Variants in INSR observed in about 807,000 individuals in gnomAD.
INSR encodes IR.
INSR carries 67 observed loss-of-function variants against 142.6 expected under a neutral mutation model. That is an observed-to-expected ratio of 0.47 (90% CI 0.39 to 0.58). INSR has a LOEUF of 0.58. Ranked by LOEUF, INSR falls within the 20% of genes least tolerant of loss-of-function variation. INSR has a pLI of 0.00. For synonymous variants in INSR, 756 were observed against 743.1 expected, an observed-to-expected ratio of 1.02 and a Z score of -0.28; for missense variants, 1,248 against 1,833.2, an observed-to-expected ratio of 0.68 and a Z score of 5.83.
chr19:7,135,087 T>C (rs1192963933), intron 13 of INSR, among the ~76,000 whole-genome samples: 6 of 56,984 alleles, frequency 1.1e-4, no homozygotes, highest in African/African-American at 2.3e-4. Flanking sequence ...GAGAAAGAAA[T>C]GTTAAAAAAA....
chr19:7,213,536 T>C (rs1235566180), intron 2 of INSR, among the ~76,000 whole-genome samples: 3 of 152,190 alleles, frequency 2.0e-5, no homozygotes, highest in African/African-American at 7.2e-5. Context: ...GGATAATTTA[T>C]GCAACAAAGG....
At chr19:7,173,768 C>G (rs540869516) in intron 4 of INSR, among the ~76,000 whole-genome samples, 1 of 151,764 alleles carries the variant, frequency 6.6e-6, no homozygotes, top group Admixed American at 6.6e-5. Flanking sequence ...TACAGGCACG[C>G]ACCACCAAGC....
At chr19:7,252,651 A>G (rs1976763039) in intron 2 of INSR, among the ~76,000 whole-genome samples, 3 of 152,090 alleles carry the variant, frequency 2.0e-5, no homozygotes, top group Non-Finnish European at 2.9e-5. Flanking sequence ...TCCTTATCAG[A>G]CCTCCGAGTA....
intron 9 of INSR, among the ~76,000 whole-genome samples, chr19:7,162,389 G>A (rs1973776295): frequency 6.6e-6 from 1 of 150,608 alleles, no homozygotes; most frequent in South Asian, 2.1e-4. Flanking sequence ...GACAATTGTG[G>A]TGTTCCAGCA....
At chr19:7,205,174 G>A (rs575717748) in intron 2 of INSR, among the ~76,000 whole-genome samples, 2 of 152,172 alleles carry the variant, frequency 1.3e-5, no homozygotes, top group African/African-American at 4.8e-5. Flanking sequence ...CCTACGGAGT[G>A]TCCGGCACCA....
chr19:7,233,692 T>TTTC lies in INSR; in HGVS notation c.652+33652_652+33653insGAA, dbSNP rs1227654126. On this transcript the variant is annotated intron_variant, in intron 2 of 21. Transcript: ENST00000302850. ...TCTTTTTTTTTTTTTTTTTTTTTTTTTGAGACGCAGTCTCGCTGTGTTGCC... is the reference window on the plus strand; with the variant it reads ...TCTTTTTTTTTTTTTTTTTTTTTTTTTTCTGAGACGCAGTCTCGCTGTGTTGCC... Among the ~76,000 whole-genome samples, 9 of 118,142 alleles carry TTTC rather than the reference T, an allele frequency of 7.6e-5. 1 individual carries two copies. Among genetic ancestry groups the TTTC allele is most frequent in the Non-Finnish European group, 1.2e-4 (7 of 60,136 alleles). The allele number at this position is 118,142 out of a possible 152,430, so 77.5% of individuals were successfully genotyped here.
Position 7,150,387 on chromosome 19 carries a change from C to T in INSR, c.2267+110G>A. 1 of 918,058 alleles carries T rather than the reference C, an allele frequency of 1.1e-6. No individual in the cohort carries two copies. Among genetic ancestry groups the T allele is most frequent in the Non-Finnish European group, 1.8e-6 (1 of 568,530 alleles). 56.9% of individuals were successfully genotyped at this position (918,058 alleles called of 1,614,324 possible). A position where few individuals can be genotyped will look rare whatever the true frequency, so the allele number is the denominator to read the frequency against. On this transcript the variant is annotated intron_variant, in intron 11 of 21. Transcript: ENST00000302850. The surrounding 1 kb of genome is among the most constrained non-coding windows in gnomAD (Gnocchi z 4.2). ...AGCATCTGCTCTCCAGCACAGCTGC[C>T]CGCCGCATGCAAAAAGCCACAGAAA...
Position 7,190,420 on chromosome 19 carries a change from T to G in INSR, c.653-5783A>C, listed in dbSNP as rs1015193252. 6.9e-5 allele frequency among the ~76,000 whole-genome samples: 10 copies of G among 145,520 alleles called. No individual in the cohort carries two copies. The East Asian group carries it at 2.1e-3, about 31-fold the overall frequency. The stretch of plus-strand genomic sequence containing the variant: ...CAGAGTCTCACTCTGTTGTCCAGGC[T>G]GAAGTGCAATGGTGAGAACTCAGCT... On this transcript the variant is annotated intron_variant, in intron 2 of 21. Transcript: ENST00000302850.
At chr19:7,164,531 A>G (rs1973842683) in intron 8 of INSR, among the ~76,000 whole-genome samples, 1 of 151,780 alleles carries the variant, frequency 6.6e-6, no homozygotes, top group Non-Finnish European at 1.5e-5. Flanking sequence ...TAAAAATACA[A>G]AAATGGCTGG....
chr19:7,141,704 T>C lies in INSR; in HGVS notation c.2655A>G (p.Glu885=). ...KEPNGLIVLY[E]VSYRRYGDEE... ...CATCACCATATCGCCGATAACTCACTTCATACAGCACGATCAGACCATTGG... is the reference window on the plus strand; with the variant it reads ...CATCACCATATCGCCGATAACTCACCTCATACAGCACGATCAGACCATTGG... Residue 885 remains glutamate, a synonymous_variant, in exon 13 of 22, where the codon GAA becomes GAG. Coordinates refer to ENST00000302850, the MANE Select transcript of INSR (RefSeq NM_000208.4). 1 of 1,614,172 alleles carries C rather than the reference T, an allele frequency of 6.2e-7. No individual in the cohort carries two copies. The highest frequency in any genetic ancestry group is 8.5e-7 in the Non-Finnish European group (1 of 1,180,016).
intron 1 of INSR, among the ~76,000 whole-genome samples, chr19:7,280,251 G>C (rs1042540414): frequency 2.0e-5 from 3 of 151,320 alleles, no homozygotes; most frequent in East Asian, 2.0e-4. Flanking sequence ...GCAACAGAGC[G>C]AGACTCCGTC....
intron 1 of INSR, among the ~76,000 whole-genome samples, chr19:7,289,171 C>G (rs1410400919): frequency 6.6e-6 from 1 of 151,820 alleles, no homozygotes; most frequent in African/African-American, 2.4e-5. Context: ...GGAGACGCAA[C>G]TGGGAGATGA....
intron 3 of INSR, among the ~76,000 whole-genome samples, chr19:7,179,820 T>C (rs576684707): frequency 5.3e-5 from 8 of 152,368 alleles, no homozygotes; most frequent in African/African-American, 1.9e-4. Context: ...TGGGAAATTA[T>C]AAATGACCAT....
At chr19:7,221,063 A>T (rs111536604) in intron 2 of INSR, among the ~76,000 whole-genome samples, 1 of 152,154 alleles carries the variant, frequency 6.6e-6, no homozygotes, top group Non-Finnish European at 1.5e-5. Context: ...GACTCTGCAG[A>T]GTCCCCACCG....
rs892231610 is a variant in INSR, at chr19:7,225,668, C to T, written c.653-41031G>A. Among the ~76,000 whole-genome samples the T allele has an allele frequency of 4.6e-5, 7 of 151,258 alleles. No individual in the cohort carries two copies. Among genetic ancestry groups the T allele is most frequent in the African/African-American group, 1.5e-4 (6 of 41,062 alleles). On this transcript the variant is annotated intron_variant, in intron 2 of 21. Coordinates refer to ENST00000302850, the MANE Select transcript of INSR (RefSeq NM_000208.4). The surrounding 1 kb of genome is among the most constrained non-coding windows in gnomAD (Gnocchi z 4.7). The stretch of plus-strand genomic sequence containing the variant: ...ATGGCAGTGTCAAACCACAGAGCCA[C>T]GAGGCTGATGATGGGCTCTTGGTTT...
intron 2 of INSR, among the ~76,000 whole-genome samples, chr19:7,219,487 A>AG (rs1975535228): frequency 1.7e-5 from 2 of 118,158 alleles, no homozygotes; most frequent in Admixed American, 9.1e-5. Context: ...GAGGGAGGGA[A>AG]GGAAGGAAGG....
At chr19:7,274,657 G>C (rs1009118510) in intron 1 of INSR, among the ~76,000 whole-genome samples, 10 of 151,650 alleles carry the variant, frequency 6.6e-5, no homozygotes, top group Non-Finnish European at 1.2e-4. Flanking sequence ...AAAAAAAATA[G>C]CTGGGCATGG....
intron 11 of INSR, among the ~76,000 whole-genome samples, chr19:7,146,254 T>C (rs1157251220): frequency 1.3e-5 from 2 of 149,810 alleles, no homozygotes; most frequent in Non-Finnish European, 3.0e-5. Context: ...TTTTTTTTTT[T>C]TTTTGAGACA....
chr19:7,242,549 C>T (rs1280390842), intron 2 of INSR, among the ~76,000 whole-genome samples: 4 of 151,670 alleles, frequency 2.6e-5, no homozygotes, highest in Non-Finnish European at 5.9e-5. Flanking sequence ...ACCAGCCTGG[C>T]CAACATGGTG....
Sources: allele counts gnomAD v4.1 joint callset (sites outside exome capture counted in the v4.1 genomes callset), GRCh38; gene constraint gnomAD v4.1.1; non-coding constraint Gnocchi (gnomAD v3.1); transcripts MANE v1.5; gene names NCBI Gene and HGNC (gene_info 2026-07-23, HGNC 2026-07-21).